SVIL: variants seen among roughly 807,000 people sequenced by gnomAD.
The protein encoded by SVIL is supervillin.
In SVIL, 101 loss-of-function variants were observed where a neutral mutation model predicts 240.4. The ratio of observed to expected loss-of-function variants is 0.42; its 90% confidence interval spans 0.36 to 0.50. The LOEUF is 0.50. Ranked by LOEUF, SVIL falls within the 20% of genes least tolerant of loss-of-function variation. The pLI, the probability that SVIL is intolerant of heterozygous loss-of-function variation, is 0.01. For synonymous variants in SVIL, 999 were observed against 1,100.0 expected (o/e 0.91, Z 1.82); for missense variants, 2,512 against 2,818.7 (o/e 0.89, Z 2.46).
chr10:29,560,096 C>A (rs569853197), intron 3 of SVIL, among the ~76,000 whole-genome samples: 1 of 152,338 alleles, frequency 6.6e-6, no homozygotes, highest in East Asian at 1.9e-4. Context: ...CACACGACAG[C>A]TCAAGAGCCC....
chr10:29,563,362 A>G, intron 2 of SVIL, 70 bp from the exon 3 acceptor site: 9 of 713,336 alleles, frequency 1.3e-5, no homozygotes, highest in Non-Finnish European at 1.5e-5. Context: ...AATGCAGAAC[A>G]CAAAAATTAT....
At chr10:29,683,527 G>A (rs1960823207) in intron 2 of SVIL, among the ~76,000 whole-genome samples, 1 of 152,186 alleles carries the variant, frequency 6.6e-6, no homozygotes, top group Admixed American at 6.5e-5. Context: ...AGTTATTCAG[G>A]TTAATTTTGG....
intron 1 of SVIL, among the ~76,000 whole-genome samples, chr10:29,624,857 G>A (rs994935524): frequency 4.6e-5 from 7 of 152,194 alleles, no homozygotes; most frequent in African/African-American, 1.7e-4. Flanking sequence ...GAGAGCTACT[G>A]AATAAATTGT....
intron 1 of SVIL, among the ~76,000 whole-genome samples, chr10:29,584,737 G>A (rs1956093309): frequency 3.9e-5 from 6 of 152,182 alleles, no homozygotes. Context: ...ACGTGCTGTG[G>A]GCCCAGCCAG....
Position 29,499,204 on chromosome 10 carries a change from A to G in SVIL, c.3576T>C (p.Thr1192=), listed in dbSNP as rs1220920449. 11 of 1,614,004 alleles carry G rather than the reference A, an allele frequency of 6.8e-6. No homozygotes were observed. The highest frequency in any genetic ancestry group is 8.5e-6 in the Non-Finnish European group (10 of 1,180,030). ...MTIEERKQLI[T]VREEAWKTRG... is the part of the protein sequence containing the mutation. ...TCGTCTTCCAGGCCTCCTCTCTCAC[A>G]GTGATGAGCTGCTTCCTCTCCTCAA... Residue 1192 remains threonine, a synonymous_variant, in exon 18 of 38, where the codon ACT becomes ACC. Transcript: ENST00000355867.
At chr10:29,684,172 G>C (rs910000190) in intron 2 of SVIL, among the ~76,000 whole-genome samples, 3 of 152,090 alleles carry the variant, frequency 2.0e-5, no homozygotes, top group African/African-American at 7.2e-5. Flanking sequence ...CCAGTTCAGG[G>C]AGGCTCTTCT....
intron 3 of SVIL, among the ~76,000 whole-genome samples, chr10:29,648,611 T>G (rs1050735860): frequency 2.0e-5 from 3 of 152,188 alleles, no homozygotes; most frequent in Non-Finnish European, 4.4e-5. Flanking sequence ...AAACCTCTCC[T>G]CTTGGCAATC....
intron 7 of SVIL, among the ~76,000 whole-genome samples, chr10:29,533,854 A>T (rs1178528247): frequency 6.6e-6 from 1 of 152,200 alleles, no homozygotes; most frequent in Non-Finnish European, 1.5e-5. Flanking sequence ...CACGCCCAGA[A>T]CACGGACTGT....
intron 1 of SVIL, among the ~76,000 whole-genome samples, chr10:29,693,933 A>C (rs1961714311): frequency 6.7e-6 from 1 of 150,112 alleles, no homozygotes; most frequent in Non-Finnish European, 1.5e-5. Flanking sequence ...AGATAGATAG[A>C]TACATATATA....
chr10:29,531,356 T>C (rs1253925172), intron 9 of SVIL, 68 bp from the exon 10 acceptor site: 1 of 1,388,082 alleles, frequency 7.2e-7, no homozygotes, highest in African/African-American at 1.5e-5. Context: ...AAATAAAACA[T>C]CATACTGAAA....
intron 3 of SVIL, among the ~76,000 whole-genome samples, chr10:29,655,027 C>A (rs1229651272): frequency 1.3e-5 from 2 of 152,198 alleles, no homozygotes; most frequent in African/African-American, 4.8e-5. Flanking sequence ...CAGAAACACC[C>A]TCACAGACAC....
chr10:29,509,360 A>AGAGAGAGAGAGAGAG (rs1949649764), intron 17 of SVIL, among the ~76,000 whole-genome samples: 1 of 131,858 alleles, frequency 7.6e-6, no homozygotes, highest in African/African-American at 3.0e-5. Flanking sequence ...AGAGAGAGAG[A>AGAGAGAGAGAGAGAG]GAGAGAGAGA....
chr10:29,659,518 T>C (rs1435642959), intron 2 of SVIL, among the ~76,000 whole-genome samples: 5 of 152,138 alleles, frequency 3.3e-5, no homozygotes, highest in Admixed American at 3.3e-4. Flanking sequence ...TTATAAATAT[T>C]CCACAGGAAG....
intron 1 of SVIL, among the ~76,000 whole-genome samples, chr10:29,595,643 C>T (rs981097332): frequency 6.6e-6 from 1 of 152,178 alleles, no homozygotes; most frequent in Non-Finnish European, 1.5e-5. Context: ...ACTCCTCTTT[C>T]AAGACAAAAA....
intron 3 of SVIL, among the ~76,000 whole-genome samples, chr10:29,642,127 G>T (rs1475526932): frequency 6.6e-6 from 1 of 152,010 alleles, no homozygotes; most frequent in Non-Finnish European, 1.5e-5. Flanking sequence ...GGCCAGGTGC[G>T]GTGGCTCATG....
chr10:29,714,689 G>T (rs1439033195), intron 1 of SVIL, among the ~76,000 whole-genome samples: 2 of 152,110 alleles, frequency 1.3e-5, no homozygotes, highest in South Asian at 4.1e-4. Context: ...GCCGGGCGTG[G>T]TGACTCATGC....
In SVIL at chr10:29,554,887, TGA is replaced by T. The variant is rs754333516; in HGVS notation, c.54_55del (p.Gln19AlafsTer39). ...TGTGCAGCTCTGCAAGAGGATGGGCTGAGTGTCATTTTCAATCCCTTCCAGGC... is the reference window on the plus strand; with the variant it reads ...TGTGCAGCTCTGCAAGAGGATGGGCTGTGTCATTTTCAATCCCTTCCAGGC... On this transcript the variant is annotated frameshift_variant, in exon 5 of 38. Coordinates refer to ENST00000355867, the MANE Select transcript of SVIL (RefSeq NM_021738.3). LOFTEE classifies it high-confidence loss of function. 6.2e-7 allele frequency: 1 copy of T among 1,613,712 alleles called. No homozygotes were observed. The highest frequency in any genetic ancestry group is 1.7e-5 in the Admixed American group (1 of 59,932).
intron 18 of SVIL, among the ~76,000 whole-genome samples, chr10:29,497,130 C>A (rs368870605): frequency 2.6e-5 from 4 of 152,160 alleles, no homozygotes; most frequent in Non-Finnish European, 4.4e-5. Flanking sequence ...AGAAAGGATT[C>A]CCCACTAAGA....
At chr10:29,507,597 CCACACACA>C (rs60592993) in intron 17 of SVIL, 3 of 165,842 alleles carry the variant, frequency 1.8e-5, no homozygotes, top group Non-Finnish European at 3.6e-5. Context: ...AATTGTACTG[CCACACACA>C]CACACACACA....
Sources: allele counts gnomAD v4.1 joint callset (sites outside exome capture counted in the v4.1 genomes callset), GRCh38; gene constraint gnomAD v4.1.1; transcripts MANE v1.5; gene names NCBI Gene and HGNC (gene_info 2026-07-23, HGNC 2026-07-21).